The following LRRC8D variants were observed in gnomAD, a reference collection of about 807,000 sequenced individuals.
LRRC8D encodes the protein volume-regulated anion channel subunit LRRC8D.
A neutral mutation model predicts 55.8 loss-of-function variants in LRRC8D; 20 were observed. That is an observed-to-expected ratio of 0.36 (90% CI 0.25 to 0.52). The LOEUF is 0.52. LRRC8D is among the 20% of genes least tolerant of loss of function. The pLI is 0.93. For missense variants in LRRC8D, 651 were observed against 1,030.8 expected (o/e 0.63, Z 5.05); for synonymous variants, 352 against 377.0 (o/e 0.93, Z 0.77).
chr1:89,919,083 A>G (rs780863716), intron 2 of LRRC8D, among the ~76,000 whole-genome samples: 1 of 152,248 alleles, frequency 6.6e-6, no homozygotes, highest in African/African-American at 2.4e-5. Flanking sequence ...TGCAAGTATC[A>G]TGAGCAGCCA....
intron 2 of LRRC8D, among the ~76,000 whole-genome samples, chr1:89,873,561 A>T (rs1479318842): frequency 2.0e-5 from 3 of 152,238 alleles, no homozygotes; most frequent in Non-Finnish European, 4.4e-5. Flanking sequence ...GATAGGTTCC[A>T]GATAAACAAT....
At chr1:89,849,756 T>A (rs1180031032) in intron 2 of LRRC8D, among the ~76,000 whole-genome samples, 1 of 152,210 alleles carries the variant, frequency 6.6e-6, no homozygotes, top group Non-Finnish European at 1.5e-5. Context: ...ATTTTTGTAA[T>A]GTTTCTTGTG....
intron 1 of LRRC8D, among the ~76,000 whole-genome samples, chr1:89,830,944 G>A (rs939197172): frequency 4.2e-5 from 6 of 142,800 alleles, no homozygotes; most frequent in African/African-American, 1.6e-4. Context: ...CTCACTCTGT[G>A]GCCCAGGCTG....
chr1:89,897,327 A>G (rs1218372955), intron 2 of LRRC8D, among the ~76,000 whole-genome samples: 3 of 152,226 alleles, frequency 2.0e-5, no homozygotes, highest in African/African-American at 7.2e-5. Flanking sequence ...TTAAGGGAAC[A>G]CAGTATTTTA....
In LRRC8D at chr1:89,902,756, C is replaced by G. The variant is rs552457197; in HGVS notation, c.-2-30311C>G. The stretch of plus-strand genomic sequence containing the variant: ...AGCCAGGATGGTCTTGATCTCCTGA[C>G]CTCGTGATCCACCCGCCTCAGCCTC... On this transcript the variant is annotated intron_variant, in intron 2 of 2. Coordinates refer to ENST00000337338, the MANE Select transcript of LRRC8D (RefSeq NM_001134479.2). 9.2e-5 allele frequency among the ~76,000 whole-genome samples: 14 copies of G among 152,206 alleles called. No homozygotes were observed. The South Asian group carries it at 2.7e-3, about 29-fold the overall frequency.
At chr1:89,858,922 TAAAAC>T (rs1661627592) in intron 2 of LRRC8D, among the ~76,000 whole-genome samples, 1 of 151,856 alleles carries the variant, frequency 6.6e-6, no homozygotes, top group Non-Finnish European at 1.5e-5. Flanking sequence ...TTGACATAAA[TAAAAC>T]AATTAGAAAA....
intron 2 of LRRC8D, among the ~76,000 whole-genome samples, chr1:89,874,187 T>A (rs1662092265): frequency 6.6e-6 from 1 of 152,154 alleles, no homozygotes; most frequent in African/African-American, 2.4e-5. Flanking sequence ...GAAAACATCA[T>A]AAAGGGAAAA....
At chr1:89,866,585 C>A (rs990619050) in intron 2 of LRRC8D, among the ~76,000 whole-genome samples, 2 of 152,148 alleles carry the variant, frequency 1.3e-5, no homozygotes, top group African/African-American at 4.8e-5. Context: ...AGTGTTCTGG[C>A]GTTTCTAGGC....
chr1:89,874,936 C>T (rs956294909), intron 2 of LRRC8D, among the ~76,000 whole-genome samples: 1 of 152,118 alleles, frequency 6.6e-6, no homozygotes, highest in African/African-American at 2.4e-5. Flanking sequence ...AGTTCCTATA[C>T]AGTGGGAATA....
intron 2 of LRRC8D, among the ~76,000 whole-genome samples, chr1:89,862,364 C>T (rs1487977311): frequency 6.6e-6 from 1 of 152,164 alleles, no homozygotes; most frequent in Non-Finnish European, 1.5e-5. Flanking sequence ...TATATATACC[C>T]TGTTAGCCCA....
chr1:89,912,152 A>AGTG (rs1663148621), intron 2 of LRRC8D, among the ~76,000 whole-genome samples: 1 of 152,094 alleles, frequency 6.6e-6, no homozygotes, highest in African/African-American at 2.4e-5. Flanking sequence ...AATTGAATTG[A>AGTG]GTGGAAATCA....
intron 2 of LRRC8D, among the ~76,000 whole-genome samples, chr1:89,871,111 C>T (rs1041543407): frequency 1.3e-5 from 2 of 152,150 alleles, no homozygotes; most frequent in Admixed American, 6.5e-5. Flanking sequence ...AAGTTGTTTA[C>T]AGCAAAATAC....
chr1:89,935,181 G>A lies in LRRC8D; in HGVS notation c.2113G>A (p.Val705Ile). 6.2e-7 allele frequency: 1 copy of A among 1,614,134 alleles called. No individual in the cohort carries two copies. The highest frequency in any genetic ancestry group is 1.6e-4 in the Middle Eastern group (1 of 6,062). ...TACTATTCCTCCCTCTATTACCCATGTCAAAAACTTGGAGTCACTTTATTT... is the reference window on the plus strand; with the variant it reads ...TACTATTCCTCCCTCTATTACCCATATCAAAAACTTGGAGTCACTTTATTT... ...IVTIPPSITH[V>I]KNLESLYFSN... Residue 705 changes from valine (V) to isoleucine (I), a missense_variant, in exon 3 of 3, where the codon GTC (valine) becomes ATC (isoleucine). Physicochemically the swap from Val to Ile is conservative, Grantham distance 29. Transcript: ENST00000337338.
chr1:89,899,465 A>G (rs1240540299), intron 2 of LRRC8D, among the ~76,000 whole-genome samples: 1 of 152,260 alleles, frequency 6.6e-6, no homozygotes, highest in East Asian at 1.9e-4. Flanking sequence ...TTGTGACTTA[A>G]TAACCAGATC....
chr1:89,839,433 AG>A (rs1661079430), intron 1 of LRRC8D, among the ~76,000 whole-genome samples: 1 of 152,198 alleles, frequency 6.6e-6, no homozygotes. Context: ...GGGTGCTTTA[AG>A]TAGTGCTTTC....
chr1:89,824,454 C>A (rs917487562), intron 1 of LRRC8D, among the ~76,000 whole-genome samples: 3 of 152,160 alleles, frequency 2.0e-5, no homozygotes, highest in Admixed American at 6.5e-5. Context: ...GGGCCCTATC[C>A]AATTTATTTA....
chr1:89,903,587 C>T (rs1662916635), intron 2 of LRRC8D, among the ~76,000 whole-genome samples: 1 of 152,138 alleles, frequency 6.6e-6, no homozygotes, highest in African/African-American at 2.4e-5. Context: ...TTTTATCTCC[C>T]TTAATCTACA....
rs749739094 is a variant in LRRC8D, at chr1:89,934,427, T to G, written c.1359T>G (p.His453Gln). The change falls in exon 3 of 3, where the codon CAT (histidine) becomes CAG (glutamine). Residue 453 changes from histidine (H) to glutamine (Q), a missense_variant. Physicochemically the swap from His to Gln is conservative, Grantham distance 24. Transcript: ENST00000337338. This position sits in a 1 kb window ranked among gnomAD's most constrained non-coding sequence, Gnocchi z 5.9. ...ENKLREISLN[H>Q]EWTFEKLRQH... Reference sequence around the variant, plus strand: ...AACTTAGGGAAATTAGTTTGAACCATGAGTGGACATTTGAAAAACTCAGGC... The same window carrying G: ...AACTTAGGGAAATTAGTTTGAACCAGGAGTGGACATTTGAAAAACTCAGGC... 32 of 1,614,096 alleles carry G rather than the reference T, an allele frequency of 2.0e-5. No homozygotes were observed. Among genetic ancestry groups the G allele is most frequent in the Non-Finnish European group, 2.7e-5 (32 of 1,180,026 alleles).
chr1:89,894,239 A>C (rs1038518720), intron 2 of LRRC8D, among the ~76,000 whole-genome samples: 2 of 152,222 alleles, frequency 1.3e-5, no homozygotes, highest in Non-Finnish European at 2.9e-5. Context: ...TTAGATTTCC[A>C]GATTCCAGAA....
Sources: gnomAD v4.1 joint callset for allele counts (sites outside exome capture counted in the v4.1 genomes callset) on GRCh38, gnomAD v4.1.1 for gene constraint, Gnocchi (gnomAD v3.1) non-coding constraint, MANE v1.5 for transcripts, NCBI Gene and HGNC (gene_info 2026-07-23, HGNC 2026-07-21) for gene names.